Variants in ANGPT2 observed in about 807,000 individuals in gnomAD.
The protein encoded by ANGPT2 is angiopoietin-2.
Under a neutral mutation model 62.9 loss-of-function variants are expected in ANGPT2, and 28 were observed. That is an observed-to-expected ratio of 0.44 (90% CI 0.33 to 0.61). The LOEUF is 0.61. ANGPT2 is among the 20% of genes least tolerant of loss of function. The probability of loss-of-function intolerance (pLI) is 0.03; values close to 1 mark genes in which losing one functional copy is unlikely to be tolerated. For synonymous variants in ANGPT2, 284 were observed against 207.8 expected, an observed-to-expected ratio of 1.37 and a Z score of -3.15; for missense variants, 727 against 594.9, an observed-to-expected ratio of 1.22 and a Z score of -2.31.
In ANGPT2 at chr8:6,500,091, G is replaced by A. The variant is rs1328893344; in HGVS notation, c.*3010C>T. ...TAACACCTTTTATCAATTTATTCGC[G>A]AGAACAAATGTGAGAACGTGAGACC... On this transcript the variant is annotated 3_prime_UTR_variant, in exon 9 of 9. Transcript: ENST00000629816. 2.3e-5 allele frequency: 15 copies of A among 664,634 alleles called. 1 individual carries two copies. The highest frequency in any genetic ancestry group is 2.2e-4 in the South Asian group (13 of 59,198). The allele number at this position is 664,634 out of a possible 1,614,324, so 41.2% of individuals were successfully genotyped here. A position where few individuals can be genotyped will look rare whatever the true frequency, so the allele number is the denominator to read the frequency against.
At chr8:6,544,351 G>C (rs1159899163) in intron 1 of ANGPT2, among the ~76,000 whole-genome samples, 1 of 147,406 alleles carries the variant, frequency 6.8e-6, no homozygotes, top group Admixed American at 6.8e-5. Flanking sequence ...ATTATAGTTT[G>C]ACTGTGCTGG....
chr8:6,499,976 C>A lies in ANGPT2; in HGVS notation c.*3125G>T. On this transcript the variant is annotated 3_prime_UTR_variant, in exon 9 of 9. Coordinates refer to ENST00000629816, the MANE Select transcript of ANGPT2 (RefSeq NM_001118887.2). Reference sequence around the variant, plus strand: ...GATGGTAAATGCAGTTTGCTGTTCTCAAGAAATTATTATAAACATAAGGGT... The same window carrying A: ...GATGGTAAATGCAGTTTGCTGTTCTAAAGAAATTATTATAAACATAAGGGT... 6.6e-7 allele frequency: 1 copy of A among 1,513,220 alleles called. No individual in the cohort carries two copies. The highest frequency in any genetic ancestry group is 9.2e-7 in the Non-Finnish European group (1 of 1,088,754). The allele number at this position is 1,513,220 out of a possible 1,614,324, so 93.7% of individuals were successfully genotyped here.
chr8:6,504,364 C>T lies in ANGPT2; in HGVS notation c.1328-1103G>A, dbSNP rs116365020. Among the ~76,000 whole-genome samples the T allele has an allele frequency of 3.3e-3, 500 of 151,652 alleles. 3 individuals carry two copies. The highest frequency in any genetic ancestry group is 0.012 in the African/African-American group (484 of 41,270). On this transcript the variant is annotated intron_variant, in intron 8 of 8. Transcript: ENST00000629816. Reference sequence around the variant, plus strand: ...AATGTATAAACCTTAAATTGCATGCCGTTCTGAGTAACGGGATAAAATCTC... The same window carrying T: ...AATGTATAAACCTTAAATTGCATGCTGTTCTGAGTAACGGGATAAAATCTC...
At chr8:6,559,748 T>C (rs1224260549) in intron 1 of ANGPT2, among the ~76,000 whole-genome samples, 2 of 152,248 alleles carry the variant, frequency 1.3e-5, no homozygotes, top group Non-Finnish European at 2.9e-5. Flanking sequence ...TTTTATAAAG[T>C]GTGTTTAATA....
At chr8:6,518,213 C>T (rs1816657539) in intron 5 of ANGPT2, among the ~76,000 whole-genome samples, 1 of 152,196 alleles carries the variant, frequency 6.6e-6, no homozygotes, top group Non-Finnish European at 1.5e-5. Flanking sequence ...ATCCCCATTT[C>T]ACATGCATCC....
At chr8:6,504,793 C>G (rs1176443786) in intron 8 of ANGPT2, among the ~76,000 whole-genome samples, 1 of 152,054 alleles carries the variant, frequency 6.6e-6, no homozygotes, top group African/African-American at 2.4e-5. Flanking sequence ...GACTAGTTTA[C>G]AAACTAAACT....
chr8:6,533,648 G>T (rs1378930461), intron 1 of ANGPT2, among the ~76,000 whole-genome samples: 1 of 139,572 alleles, frequency 7.2e-6, no homozygotes, highest in East Asian at 2.2e-4. Flanking sequence ...GTATAAGCTC[G>T]TGAGTGCACA....
At chr8:6,551,306 G>T (rs566319188) in intron 1 of ANGPT2, among the ~76,000 whole-genome samples, 1 of 152,176 alleles carries the variant, frequency 6.6e-6, no homozygotes. Context: ...AAGGGGAAAG[G>T]AAGAATAGTG....
chr8:6,559,299 G>A (rs1825153375), intron 1 of ANGPT2, among the ~76,000 whole-genome samples: 1 of 151,790 alleles, frequency 6.6e-6, no homozygotes, highest in Non-Finnish European at 1.5e-5. Flanking sequence ...TAGCGGGCTG[G>A]GTTCCCCTGG....
chr8:6,519,935 C>G lies in ANGPT2; in HGVS notation c.856G>C (p.Val286Leu). The change falls in exon 5 of 9, where the codon GTA becomes CTA. Residue 286 changes from valine to leucine, a missense_variant. Coordinates refer to ENST00000629816, the MANE Select transcript of ANGPT2 (RefSeq NM_001118887.2). ...TTCGTGGTGTGTCCTGATTTGAATA[C>G]TTCAGCACAGTCTCTGAAGCTGATT... is the stretch of plus-strand genomic sequence containing the variant. ...EQISFRDCAEVFKSGHTTNGI... is the reference protein window; with the variant it reads ...EQISFRDCAELFKSGHTTNGI... 6.2e-7 allele frequency: 1 copy of G among 1,614,118 alleles called. No individual in the cohort carries two copies.
At chr8:6,542,337 T>G (rs1821757221) in intron 1 of ANGPT2, among the ~76,000 whole-genome samples, 1 of 151,990 alleles carries the variant, frequency 6.6e-6, no homozygotes, top group Non-Finnish European at 1.5e-5. Flanking sequence ...TATGTATGTG[T>G]GTGTGTTTCA....
At chr8:6,511,874 AG>A (rs1289166820) in intron 7 of ANGPT2, among the ~76,000 whole-genome samples, 1 of 151,194 alleles carries the variant, frequency 6.6e-6, no homozygotes, top group Non-Finnish European at 1.5e-5. Flanking sequence ...TTATACAAAC[AG>A]CCTAATCCTT....
At chr8:6,539,428 G>A (rs1242852957) in intron 1 of ANGPT2, among the ~76,000 whole-genome samples, 1 of 152,134 alleles carries the variant, frequency 6.6e-6, no homozygotes, top group Non-Finnish European at 1.5e-5. Flanking sequence ...CCTGGCCTCT[G>A]GTGCCAATTT....
chr8:6,520,329 C>T (rs2442621), intron 4 of ANGPT2, among the ~76,000 whole-genome samples: 10,868 of 152,166 alleles, frequency 0.071, 476 homozygotes, highest in African/African-American at 0.12. Flanking sequence ...TCATCTTGAG[C>T]AGAATAGGGT....
intron 1 of ANGPT2, among the ~76,000 whole-genome samples, chr8:6,537,227 C>G (rs1159085972): frequency 6.6e-6 from 1 of 152,064 alleles, no homozygotes; most frequent in Non-Finnish European, 1.5e-5. Flanking sequence ...GAGGATTATT[C>G]CATGAGCGTG....
chr8:6,531,826 C>T (rs1253139580), intron 2 of ANGPT2, among the ~76,000 whole-genome samples: 6 of 152,200 alleles, frequency 3.9e-5, no homozygotes, highest in East Asian at 1.9e-4. Flanking sequence ...TGTGGCTAGA[C>T]GCTTCTCACT....
At chr8:6,550,986 C>T (rs1047722455) in intron 1 of ANGPT2, among the ~76,000 whole-genome samples, 4 of 152,188 alleles carry the variant, frequency 2.6e-5, no homozygotes, top group African/African-American at 4.8e-5. Context: ...AAACAGTGTC[C>T]TTTCTACAAG....
intron 1 of ANGPT2, among the ~76,000 whole-genome samples, chr8:6,543,789 G>A (rs1284022661): frequency 2.0e-5 from 3 of 152,048 alleles, no homozygotes; most frequent in Non-Finnish European, 4.4e-5. Context: ...TTAAAGCTGC[G>A]AGTTTTTTCA....
chr8:6,559,391 G>A (rs540480097), intron 1 of ANGPT2, among the ~76,000 whole-genome samples: 8 of 152,208 alleles, frequency 5.3e-5, no homozygotes, highest in South Asian at 4.1e-4. Context: ...GCATTCATTC[G>A]TGAGTAGTAG....
Sources: allele counts gnomAD v4.1 joint callset (sites outside exome capture counted in the v4.1 genomes callset), GRCh38; gene constraint gnomAD v4.1.1; transcripts MANE v1.5; gene names NCBI Gene and HGNC (gene_info 2026-07-23, HGNC 2026-07-21).